PCDHA1: variants seen among roughly 807,000 people sequenced by gnomAD.
PCDHA1 encodes protocadherin alpha 1, also known as protocadherin alpha-1.
PCDHA1 carries 42 observed loss-of-function variants against 61.3 expected under a neutral mutation model. The ratio of observed to expected loss-of-function variants is 0.69; its 90% CI spans 0.54 to 0.89. The LOEUF (loss-of-function observed/expected upper bound fraction) is 0.89, where lower values mean the gene tolerates loss of function less well. Among genes scored for constraint, PCDHA1 ranks in the 40% least tolerant of loss-of-function variants. PCDHA1 has a pLI of 0.00. For synonymous variants in PCDHA1, 610 were observed against 553.8 expected (o/e 1.10, Z -1.43); for missense variants, 1,256 against 1,235.3 (o/e 1.02, Z -0.25).
chr5:140,840,957 C>G (rs1381894939), intron 1 of PCDHA1, among the ~76,000 whole-genome samples: 3 of 151,928 alleles, frequency 2.0e-5, no homozygotes, highest in Non-Finnish European at 4.4e-5. Context: ...GGAAGAAATT[C>G]CTTTCCTTAT....
intron 1 of PCDHA1, chr5:140,829,384 C>T (rs1226785710): frequency 3.1e-6 from 5 of 1,614,060 alleles, no homozygotes; most frequent in Non-Finnish European, 4.2e-6. Context: ...GGGACGGGGG[C>T]TCGCCTTCGC....
At chr5:140,918,846 C>T (rs1261805257) in intron 1 of PCDHA1, among the ~76,000 whole-genome samples, 1 of 152,140 alleles carries the variant, frequency 6.6e-6, no homozygotes, top group African/African-American at 2.4e-5. Flanking sequence ...ACTAAATCTG[C>T]TGGTGCCTGA....
chr5:140,801,685 G>C, intron 1 of PCDHA1: 1 of 1,614,202 alleles, frequency 6.2e-7, no homozygotes, highest in Non-Finnish European at 8.5e-7. Context: ...GCAGATATCG[G>C]AACAAATTCG....
At chr5:140,967,282 GC>G in intron 1 of PCDHA1, 1 of 1,613,078 alleles carries the variant, frequency 6.2e-7, no homozygotes, top group Non-Finnish European at 8.5e-7. Flanking sequence ...TAGAGAGTGC[GC>G]AGGACCCCGA....
Position 140,787,658 on chromosome 5 carries a change from G to T in PCDHA1, c.1368G>T (p.Ala456=), listed in dbSNP as rs782782382. 6.2e-7 allele frequency: 1 copy of T among 1,614,016 alleles called. No homozygotes were observed. The highest frequency in any genetic ancestry group is 8.5e-7 in the Non-Finnish European group (1 of 1,179,966). ...ADVNDNAPAF[A]QPEYTVFVKE... ...TGAATGACAACGCGCCTGCGTTCGC[G>T]CAGCCCGAGTACACAGTATTCGTGA... The change falls in exon 1 of 4, where the codon GCG becomes GCT. Residue 456 remains alanine, a synonymous_variant. Coordinates refer to ENST00000504120, the MANE Select transcript of PCDHA1 (RefSeq NM_018900.4).
At chr5:140,835,448 GTC>G in intron 1 of PCDHA1, 1 of 1,613,886 alleles carries the variant, frequency 6.2e-7, no homozygotes, top group East Asian at 2.2e-5. Flanking sequence ...TCACTTCCCT[GTC>G]TCTCCCTATT....
chr5:140,798,959 A>G (rs1554120800), intron 1 of PCDHA1, among the ~76,000 whole-genome samples: 1 of 152,224 alleles, frequency 6.6e-6, no homozygotes, highest in South Asian at 2.1e-4. Context: ...ACCTTTAGCC[A>G]TTTCATAGTT....
chr5:140,993,293 A>G (rs1445204823), intron 3 of PCDHA1, among the ~76,000 whole-genome samples: 1 of 152,062 alleles, frequency 6.6e-6, no homozygotes, highest in African/African-American at 2.4e-5. Flanking sequence ...CAGGGTCACA[A>G]CCTTGCCTCC....
At chr5:140,993,795 C>T (rs1301191394) in intron 3 of PCDHA1, among the ~76,000 whole-genome samples, 2 of 152,128 alleles carry the variant, frequency 1.3e-5, no homozygotes, top group African/African-American at 2.4e-5. Flanking sequence ...ACATGCTGTG[C>T]AGGTTTGTAG....
At chr5:140,875,372 T>C in intron 1 of PCDHA1, 5 of 1,451,920 alleles carry the variant, frequency 3.4e-6, no homozygotes, top group Non-Finnish European at 4.5e-6. Flanking sequence ...AAAAATTTAC[T>C]AAATATGTAC....
At chr5:140,939,350 A>G (rs2153641006) in intron 1 of PCDHA1, among the ~76,000 whole-genome samples, 1 of 152,266 alleles carries the variant, frequency 6.6e-6, no homozygotes, top group East Asian at 1.9e-4. Context: ...ATTTCAACTT[A>G]TGATTGCAAA....
intron 1 of PCDHA1, chr5:140,883,984 C>T: frequency 2.5e-6 from 4 of 1,612,818 alleles, no homozygotes. Context: ...GGGCTGGCAG[C>T]GCGGGAGGCA....
chr5:140,858,726 C>A (rs115774489), intron 1 of PCDHA1: 4 of 481,590 alleles, frequency 8.3e-6, no homozygotes, highest in African/African-American at 8.1e-5. Context: ...GCAGTTCTGA[C>A]GATTTACTTT....
Position 141,004,377 on chromosome 5 carries a change from C to T in PCDHA1, c.2543-5250C>T, listed in dbSNP as rs567018582. Among the ~76,000 whole-genome samples the T allele has an allele frequency of 3.9e-5, 6 of 152,294 alleles. No homozygotes were observed. The South Asian group carries it at 6.2e-4, about 16-fold the overall frequency. ...AGAGACCACACCTTGTTCTGCTCTG[C>T]GGAAGCTGGACATGTGGAGGAGGCA... On this transcript the variant is annotated intron_variant, in intron 3 of 3. Coordinates refer to ENST00000504120, the MANE Select transcript of PCDHA1 (RefSeq NM_018900.4).
intron 3 of PCDHA1, among the ~76,000 whole-genome samples, chr5:140,998,021 C>T (rs2097794085): frequency 6.6e-6 from 1 of 152,152 alleles, no homozygotes; most frequent in Non-Finnish European, 1.5e-5. Context: ...CCACCTCGAG[C>T]TAGTGCTATA....
At chr5:140,794,935 C>G in intron 1 of PCDHA1, 1 of 1,582,214 alleles carries the variant, frequency 6.3e-7, no homozygotes, top group Non-Finnish European at 8.6e-7. Flanking sequence ...ACATGCTCTT[C>G]TAATTTGATC....
At chr5:140,985,982 G>A (rs1380609067) in intron 3 of PCDHA1, among the ~76,000 whole-genome samples, 3 of 151,940 alleles carry the variant, frequency 2.0e-5, no homozygotes, top group East Asian at 1.9e-4. Flanking sequence ...CTCGTGATCC[G>A]CCCACCTCAG....
chr5:140,871,644 C>A, intron 1 of PCDHA1: 2 of 1,286,330 alleles, frequency 1.6e-6, no homozygotes, highest in Non-Finnish European at 2.1e-6. Flanking sequence ...CATAAAATAC[C>A]AAATGATACA....
chr5:140,926,539 G>A (rs910445315), intron 1 of PCDHA1: 2 of 216,944 alleles, frequency 9.2e-6, no homozygotes, highest in Non-Finnish European at 1.8e-5. Flanking sequence ...AGCCAGCGTG[G>A]TGGTCGAGAC....
Sources: gnomAD v4.1 joint callset for allele counts (sites outside exome capture counted in the v4.1 genomes callset) on GRCh38, gnomAD v4.1.1 for gene constraint, MANE v1.5 for transcripts, NCBI Gene and HGNC (gene_info 2026-07-23, HGNC 2026-07-21) for gene names.